PPM1D: variants seen among roughly 807,000 people sequenced by gnomAD.
The protein encoded by PPM1D is protein phosphatase, Mg2+/Mn2+ dependent 1D, also known as protein phosphatase 1D.
A neutral mutation model predicts 58.3 loss-of-function variants in PPM1D; 52 were observed. That is an observed-to-expected ratio of 0.89 (90% CI 0.71 to 1.12). The LOEUF (loss-of-function observed/expected upper bound fraction) is 1.12, where lower values mean the gene tolerates loss of function less well. Ranked by LOEUF, PPM1D falls within the 50% of genes most tolerant of loss-of-function variation. The probability of loss-of-function intolerance (pLI) is 0.00; values close to 1 mark genes in which losing one functional copy is unlikely to be tolerated. For synonymous variants in PPM1D, 278 were observed against 285.1 expected (o/e 0.98, Z 0.25); for missense variants, 564 against 777.2 (o/e 0.73, Z 3.26).
intron 1 of PPM1D, among the ~76,000 whole-genome samples, chr17:60,611,400 T>C (rs2030451498): frequency 6.6e-6 from 1 of 152,024 alleles, no homozygotes; most frequent in African/African-American, 2.4e-5. Context: ...TTTGTAGAAA[T>C]TCTTTATGTA....
intron 5 of PPM1D, among the ~76,000 whole-genome samples, chr17:60,658,603 G>A (rs888924959): frequency 4.0e-5 from 6 of 149,596 alleles, no homozygotes; most frequent in South Asian, 2.1e-4. Context: ...AGCCAAGATC[G>A]TGCCATTGTG....
intron 2 of PPM1D, among the ~76,000 whole-genome samples, chr17:60,626,479 C>T (rs1244752279): frequency 1.3e-5 from 2 of 151,294 alleles, no homozygotes; most frequent in African/African-American, 4.9e-5. Flanking sequence ...ACTGCAAGCT[C>T]GGCCTCCTGG....
chr17:60,602,409 G>A (rs1335391668), intron 1 of PPM1D, among the ~76,000 whole-genome samples: 1 of 151,662 alleles, frequency 6.6e-6, no homozygotes, highest in African/African-American at 2.4e-5. Context: ...TATAAACTCC[G>A]TTACATTAGT....
intron 3 of PPM1D, among the ~76,000 whole-genome samples, chr17:60,640,712 C>T (rs2031117041): frequency 6.6e-6 from 1 of 152,086 alleles, no homozygotes; most frequent in African/African-American, 2.4e-5. Context: ...CTCTAGTGGT[C>T]CCCAGTGTCT....
chr17:60,647,023 T>G (rs2031262000), intron 3 of PPM1D, among the ~76,000 whole-genome samples: 1 of 152,230 alleles, frequency 6.6e-6, no homozygotes, highest in Admixed American at 6.5e-5. Context: ...CCATTGGTAC[T>G]TCTGTTTGTA....
intron 5 of PPM1D, among the ~76,000 whole-genome samples, chr17:60,660,636 C>T (rs777697092): frequency 3.3e-5 from 5 of 151,770 alleles, no homozygotes; most frequent in Non-Finnish European, 5.9e-5. Flanking sequence ...TGGTGAGCAC[C>T]TCTAACCCCA....
rs565228053 is a variant in PPM1D at position 60,619,517 on chromosome 17, C to G, written c.473-4004C>G. On this transcript the variant is annotated intron_variant, in intron 1 of 5. Transcript: ENST00000305921. Reference sequence around the variant, plus strand: ...TTTCTATCAGCAGTGTACAAATGTTCTCCCTTCTTCACATCCTGGCCAGCA... The same window carrying G: ...TTTCTATCAGCAGTGTACAAATGTTGTCCCTTCTTCACATCCTGGCCAGCA... Among the ~76,000 whole-genome samples, 6 of 152,314 alleles carry G rather than the reference C, an allele frequency of 3.9e-5. No individual in the cohort carries two copies. The South Asian group carries it at 1.2e-3, about 32-fold the overall frequency.
intron 1 of PPM1D, among the ~76,000 whole-genome samples, chr17:60,607,385 C>T (rs1321916111): frequency 2.0e-5 from 3 of 152,038 alleles, no homozygotes; most frequent in Non-Finnish European, 2.9e-5. Flanking sequence ...CGGGTTCAAG[C>T]GATTCTCCTG....
At chr17:60,648,170 G>A (rs1480450755) in intron 4 of PPM1D, 88 bp downstream of exon 4, 1 of 1,403,316 alleles carries the variant, frequency 7.1e-7, no homozygotes, top group African/African-American at 1.5e-5. Context: ...TAAGGACATT[G>A]ACCTTGGGTA....
At chr17:60,650,688 A>G (rs2031327763) in intron 4 of PPM1D, among the ~76,000 whole-genome samples, 1 of 152,226 alleles carries the variant, frequency 6.6e-6, no homozygotes, top group Non-Finnish European at 1.5e-5. Flanking sequence ...GTTATAAAGA[A>G]GAGACATTAT....
chr17:60,635,478 G>C (rs1433342890), intron 3 of PPM1D, among the ~76,000 whole-genome samples: 1 of 152,104 alleles, frequency 6.6e-6, no homozygotes, highest in African/African-American at 2.4e-5. Flanking sequence ...GCCTCCCAAA[G>C]TGCTGGGATT....
chr17:60,651,752 C>G (rs973450712), intron 4 of PPM1D, among the ~76,000 whole-genome samples: 3 of 152,034 alleles, frequency 2.0e-5, no homozygotes, highest in African/African-American at 7.2e-5. Flanking sequence ...AATGATGCAT[C>G]CATAACACAA....
intron 5 of PPM1D, among the ~76,000 whole-genome samples, chr17:60,661,980 T>C (rs1166249577): frequency 6.6e-6 from 1 of 152,122 alleles, no homozygotes; most frequent in Non-Finnish European, 1.5e-5. Flanking sequence ...AATTCAGATT[T>C]TTATTTTTAA....
At chr17:60,632,903 G>A (rs530294130) in intron 2 of PPM1D, among the ~76,000 whole-genome samples, 1 of 151,992 alleles carries the variant, frequency 6.6e-6, no homozygotes, top group South Asian at 2.1e-4. Flanking sequence ...GGAGGCGGAA[G>A]TTGCAGTGAG....
chr17:60,626,406 T>G lies in PPM1D; in HGVS notation c.701+2657T>G, dbSNP rs534024538. On this transcript the variant is annotated intron_variant, in intron 2 of 5. Transcript: ENST00000305921. ...TTTTTTTGGGGTTTTTTTTGTTTTTTTTTTTTGAAACGGAGTCTGGCTCTT... is the reference window on the plus strand; with the variant it reads ...TTTTTTTGGGGTTTTTTTTGTTTTTGTTTTTTGAAACGGAGTCTGGCTCTT... Among the ~76,000 whole-genome samples, 7 of 151,976 alleles carry G rather than the reference T, an allele frequency of 4.6e-5. No homozygotes were observed. The South Asian group carries it at 1.2e-3, about 27-fold the overall frequency.
chr17:60,648,022 G>T lies in PPM1D; in HGVS notation c.957G>T (p.Met319Ile). The change falls in exon 4 of 6, where the codon ATG becomes ATT. Residue 319 changes from methionine to isoleucine, a missense_variant. By Grantham distance (10) the Met-to-Ile change is conservative. This residue lies in a region of PPM1D where 34 missense variants were observed against 34.3 expected (regional missense o/e 0.99). Coordinates refer to ENST00000305921, the MANE Select transcript of PPM1D (RefSeq NM_003620.4). ...IILGSDGLWN[M>I]IPPQDAISMC... ...TGGGGAGTGATGGACTTTGGAATAT[G>T]ATTCCACCACAAGATGCCATCTCAA... 3 of 1,613,976 alleles carry T rather than the reference G, an allele frequency of 1.9e-6. No individual in the cohort carries two copies. Among genetic ancestry groups the T allele is most frequent in the Non-Finnish European group, 2.5e-6 (3 of 1,179,990 alleles).
rs372024236 is a variant in PPM1D, at chr17:60,663,262, C to G, written c.1528C>G (p.Gln510Glu). Reference protein sequence around the residue: ...PTNSTNTVMDQKNLKMSTPGQ... With the variant: ...PTNSTNTVMDEKNLKMSTPGQ... ...TAATTCAACAAACACTGTCATGGAC[C>G]AAAAAAATTTGAAGATGTCAACTCC... Residue 510 changes from glutamine (Q) to glutamate (E), a missense_variant, in exon 6 of 6, where the codon CAA (glutamine) becomes GAA (glutamate). Gln to Glu is a conservative substitution (Grantham distance 29, BLOSUM62 2). Coordinates refer to ENST00000305921, the MANE Select transcript of PPM1D (RefSeq NM_003620.4). The G allele has an allele frequency of 1.8e-5, 29 of 1,613,878 alleles. No individual in the cohort carries two copies. Among genetic ancestry groups the G allele is most frequent in the Non-Finnish European group, 2.4e-5 (28 of 1,179,984 alleles).
intron 1 of PPM1D, among the ~76,000 whole-genome samples, chr17:60,620,235 G>C (rs920853202): frequency 6.6e-6 from 1 of 152,094 alleles, no homozygotes; most frequent in Non-Finnish European, 1.5e-5. Flanking sequence ...CTGACCTCCT[G>C]ATCCACCCAC....
chr17:60,645,980 C>T (rs758655244), intron 3 of PPM1D, among the ~76,000 whole-genome samples: 6 of 151,918 alleles, frequency 3.9e-5, no homozygotes, highest in Non-Finnish European at 8.8e-5. Context: ...GCCATCTCTA[C>T]AAAAAATAAA....
Sources: allele counts gnomAD v4.1 joint callset (sites outside exome capture counted in the v4.1 genomes callset), GRCh38; gene constraint gnomAD v4.1.1; regional missense constraint gnomAD v4.1.1; transcripts MANE v1.5; gene names NCBI Gene and HGNC (gene_info 2026-07-23, HGNC 2026-07-21).